Variants in SORCS1 observed in about 807,000 individuals in gnomAD.
SORCS1 encodes the protein VPS10 domain-containing receptor SorCS1.
In SORCS1, 60 loss-of-function variants were observed where a neutral mutation model predicts 146.1. The ratio of observed to expected loss-of-function variants is 0.41; its 90% confidence interval spans 0.33 to 0.51. The LOEUF (loss-of-function observed/expected upper bound fraction) is 0.51. Among genes scored for constraint, SORCS1 ranks in the 20% least tolerant of loss-of-function variants. The pLI is 0.21. For missense variants in SORCS1, 1,352 were observed against 1,487.6 expected, an observed-to-expected ratio of 0.91 and a Z score of 1.50; for synonymous variants, 637 against 584.0, an observed-to-expected ratio of 1.09 and a Z score of -1.31.
At chr10:106,615,840 G>A (rs1474342254) in intron 21 of SORCS1, among the ~76,000 whole-genome samples, 3 of 152,124 alleles carry the variant, frequency 2.0e-5, no homozygotes, top group African/African-American at 7.2e-5. Flanking sequence ...ATTGTAGAAA[G>A]AGGAAGAAGC....
chr10:106,911,138 G>A (rs1952130618), intron 2 of SORCS1, among the ~76,000 whole-genome samples: 1 of 152,238 alleles, frequency 6.6e-6, no homozygotes, highest in Non-Finnish European at 1.5e-5. Flanking sequence ...AAAGTATTCT[G>A]TAAACTGTAA....
intron 24 of SORCS1, 34 bp downstream of exon 24, chr10:106,597,317 C>T: frequency 6.3e-7 from 1 of 1,577,894 alleles, no homozygotes. Flanking sequence ...TTTGCCAGAG[C>T]CACCAGCCAG....
intron 1 of SORCS1, among the ~76,000 whole-genome samples, chr10:107,018,630 A>T (rs1208128074): frequency 2.0e-5 from 3 of 151,892 alleles, no homozygotes; most frequent in Non-Finnish European, 4.4e-5. Context: ...TTTTTTTGTT[A>T]TAAGTGCCTC....
chr10:106,671,576 A>G (rs745393401), intron 15 of SORCS1, among the ~76,000 whole-genome samples: 7 of 152,250 alleles, frequency 4.6e-5, no homozygotes, highest in Non-Finnish European at 8.8e-5. Context: ...ATTGAAGATT[A>G]TTAAACAACA....
chr10:106,763,549 T>C (rs756788861), intron 4 of SORCS1, among the ~76,000 whole-genome samples: 20 of 152,334 alleles, frequency 1.3e-4, no homozygotes, highest in Non-Finnish European at 2.2e-4. Flanking sequence ...GGGCTGGCCC[T>C]GTCACCTTCT....
intron 2 of SORCS1, among the ~76,000 whole-genome samples, chr10:106,909,723 TG>T (rs753319706): frequency 1.3e-5 from 2 of 152,250 alleles, no homozygotes; most frequent in Non-Finnish European, 2.9e-5. Flanking sequence ...GGCTCCAACC[TG>T]GTTTCTCCAT....
chr10:106,752,997 T>C (rs912511519), intron 5 of SORCS1, among the ~76,000 whole-genome samples: 1 of 152,088 alleles, frequency 6.6e-6, no homozygotes, highest in Non-Finnish European at 1.5e-5. Context: ...AAGTGAGTGA[T>C]GGTATTCATT....
chr10:106,796,804 T>C (rs1352414115), intron 3 of SORCS1, among the ~76,000 whole-genome samples: 1 of 152,098 alleles, frequency 6.6e-6, no homozygotes, highest in Admixed American at 6.6e-5. Context: ...CAAAAGTAAA[T>C]CTTACCTAGA....
intron 1 of SORCS1, among the ~76,000 whole-genome samples, chr10:107,078,077 T>A (rs1963033461): frequency 6.6e-6 from 1 of 152,134 alleles, no homozygotes; most frequent in Non-Finnish European, 1.5e-5. Context: ...AATTAGAAAA[T>A]TTTAAGGAAC....
At chr10:106,735,236 CA>C (rs1170512660) in intron 5 of SORCS1, among the ~76,000 whole-genome samples, 6 of 151,312 alleles carry the variant, frequency 4.0e-5, no homozygotes, top group African/African-American at 1.5e-4. Context: ...AGTCAATAGA[CA>C]AAAAATGAGT....
At chr10:107,030,804 T>G (rs1958616488) in intron 1 of SORCS1, among the ~76,000 whole-genome samples, 1 of 152,124 alleles carries the variant, frequency 6.6e-6, no homozygotes, top group Non-Finnish European at 1.5e-5. Flanking sequence ...AGAGGAAAGC[T>G]ATACTAGAAG....
In SORCS1 at chr10:106,703,733, C is replaced by T. The variant is rs144760413; in HGVS notation, c.1233+2812G>A. On this transcript the variant is annotated intron_variant, in intron 8 of 25. Coordinates refer to ENST00000263054, the MANE Select transcript of SORCS1 (RefSeq NM_052918.5). ...TTTGTTCATTTCCAGTTGCACCAGC[C>T]CTGACAGGCCATGAAATATATGCAC... Among the ~76,000 whole-genome samples, 57 of 152,304 alleles carry T rather than the reference C, an allele frequency of 3.7e-4. No homozygotes were observed. The East Asian group carries it at 0.01, about 27-fold the overall frequency.
intron 1 of SORCS1, among the ~76,000 whole-genome samples, chr10:106,967,600 G>C (rs940925942): frequency 6.6e-6 from 1 of 152,200 alleles, no homozygotes. Flanking sequence ...GGAATAGGGG[G>C]AGAAGCTGGC....
intron 1 of SORCS1, among the ~76,000 whole-genome samples, chr10:107,077,282 T>A (rs1179314966): frequency 6.6e-6 from 1 of 152,154 alleles, no homozygotes; most frequent in Non-Finnish European, 1.5e-5. Context: ...ATTTAATAAC[T>A]ATTTTCGGTC....
intron 1 of SORCS1, among the ~76,000 whole-genome samples, chr10:107,097,033 T>C (rs565955343): frequency 6.6e-6 from 1 of 152,346 alleles, no homozygotes; most frequent in South Asian, 2.1e-4. Context: ...GAATAACCTC[T>C]CTCAATATTG....
At chr10:106,969,035 A>C (rs1198093173) in intron 1 of SORCS1, among the ~76,000 whole-genome samples, 1 of 151,988 alleles carries the variant, frequency 6.6e-6, no homozygotes, top group Non-Finnish European at 1.5e-5. Context: ...TTCAAAACTT[A>C]AAAAAAATCT....
chr10:106,880,250 G>A (rs1440230290), intron 2 of SORCS1, among the ~76,000 whole-genome samples: 1 of 152,012 alleles, frequency 6.6e-6, no homozygotes, highest in Non-Finnish European at 1.5e-5. Context: ...GATAGTCAAA[G>A]GTACAAAAAG....
chr10:106,775,512 G>T (rs1860362907), intron 4 of SORCS1, among the ~76,000 whole-genome samples: 1 of 152,150 alleles, frequency 6.6e-6, no homozygotes, highest in Non-Finnish European at 1.5e-5. Flanking sequence ...GAGACCTTGG[G>T]AAGTTGCTCA....
intron 1 of SORCS1, among the ~76,000 whole-genome samples, chr10:107,065,510 C>CTCTTTCTTTCTT (rs56776512): frequency 1.2e-4 from 10 of 86,360 alleles, no homozygotes; most frequent in African/African-American, 5.2e-4. Context: ...CTCCTCTCCT[C>CTCTTTCTTTCTT]TCTTTCTTTC....
Sources: gnomAD v4.1 joint callset for allele counts (sites outside exome capture counted in the v4.1 genomes callset) on GRCh38, gnomAD v4.1.1 for gene constraint, MANE v1.5 for transcripts, NCBI Gene and HGNC (gene_info 2026-07-23, HGNC 2026-07-21) for gene names.